Variants in DST observed in about 807,000 individuals in gnomAD.
DST encodes dystonin.
Under a neutral mutation model 875.2 loss-of-function variants are expected in DST, and 253 were observed. The ratio of observed to expected loss-of-function variants is 0.29; its 90% CI spans 0.26 to 0.32. DST has a LOEUF of 0.32. DST is among the 10% of genes least tolerant of loss of function. The pLI is 1.00. For synonymous variants in DST, 3,124 were observed against 3,197.1 expected, an observed-to-expected ratio of 0.98 and a Z score of 0.77; for missense variants, 8,287 against 9,111.6, an observed-to-expected ratio of 0.91 and a Z score of 3.68.
chr6:56,685,922 C>A (rs2099182980), intron 9 of DST, among the ~76,000 whole-genome samples: 1 of 152,104 alleles, frequency 6.6e-6, no homozygotes, highest in African/African-American at 2.4e-5. Flanking sequence ...ATCATTCAAC[C>A]CAGTAGTCCC....
intron 5 of DST, among the ~76,000 whole-genome samples, chr6:56,734,036 A>G (rs1309885845): frequency 6.6e-6 from 1 of 152,222 alleles, no homozygotes; most frequent in African/African-American, 2.4e-5. Flanking sequence ...CAAACTTTAC[A>G]GAGTGTCCTA....
chr6:56,940,507 A>AATCC (rs963375587), intron 2 of DST, among the ~76,000 whole-genome samples: 1 of 152,134 alleles, frequency 6.6e-6, no homozygotes, highest in African/African-American at 2.4e-5. Context: ...TTTCAAAAAA[A>AATCC]ATCCATTTAA....
intron 8 of DST, among the ~76,000 whole-genome samples, chr6:56,700,965 C>T (rs1472625140): frequency 6.7e-6 from 1 of 149,358 alleles, no homozygotes; most frequent in Admixed American, 6.7e-5. Flanking sequence ...TCTCCCTCTC[C>T]CCCTTTTTCT....
At position 56,473,892 on chromosome 6, in the gene DST, C is replaced by G; in HGVS notation, c.21975G>C (p.Leu7325Phe). 1 of 1,599,402 alleles carries G rather than the reference C, an allele frequency of 6.3e-7. No homozygotes were observed. ...PSSLQSHIPV[L>F]DKGRAGRKRF... Reference sequence around the variant, plus strand: ...GCTTACTTCCTGCTCGTCCCTTATCCAAGACTGGAATATGGGATTGTAATG... The same window carrying G: ...GCTTACTTCCTGCTCGTCCCTTATCGAAGACTGGAATATGGGATTGTAATG... Residue 7325 changes from leucine (L) to phenylalanine (F), a missense_variant, in exon 93 of 104, where the codon TTG becomes TTC. By Grantham distance (22) the Leu-to-Phe change is conservative (BLOSUM62 0). This residue lies in a region of DST where 1,292 missense variants were observed against 1,552.7 expected (regional missense o/e 0.83). Transcript: ENST00000680361.
chr6:56,600,042 A>T (rs747065916), intron 45 of DST, 27 bp downstream of exon 45: 25 of 1,590,242 alleles, frequency 1.6e-5, no homozygotes, highest in Non-Finnish European at 2.2e-5. Flanking sequence ...ATCAACATAG[A>T]TCTGCTGATA....
At chr6:56,664,055 T>G (rs1256387270) in intron 10 of DST, among the ~76,000 whole-genome samples, 1 of 152,060 alleles carries the variant, frequency 6.6e-6, no homozygotes, top group Non-Finnish European at 1.5e-5. Flanking sequence ...CAGAAACTAG[T>G]AAGCAGAAAT....
chr6:56,897,086 T>C (rs1791684076), intron 3 of DST, among the ~76,000 whole-genome samples: 1 of 152,222 alleles, frequency 6.6e-6, no homozygotes, highest in Non-Finnish European at 1.5e-5. Flanking sequence ...CTATAATTTT[T>C]ATAGTATCAG....
In DST at chr6:56,603,234, G is replaced by A; in HGVS notation, c.11128C>T (p.Gln3710Ter). ...LSNVSSERTKQIMLAIDSEMS... is the reference protein window; with the variant it reads ...LSNVSSERTK ...TCAGAGTCGATCGCAAGCATGATCT[G>A]TTTCGTTCTTTCTGAAGACACGTTG... Residue 3710 changes from glutamine (Q) to a stop codon, truncating the protein, a stop_gained, in exon 42 of 104, where the codon CAG (glutamine) becomes TAG (stop). Transcript: ENST00000680361. LOFTEE classifies it high-confidence loss of function. 1 of 1,605,968 alleles carries A rather than the reference G, an allele frequency of 6.2e-7. No individual in the cohort carries two copies. Among genetic ancestry groups the A allele is most frequent in the Non-Finnish European group, 8.5e-7 (1 of 1,176,242 alleles).
intron 63 of DST, among the ~76,000 whole-genome samples, chr6:56,533,862 T>C (rs1446032905): frequency 6.6e-6 from 1 of 152,140 alleles, no homozygotes; most frequent in Admixed American, 6.5e-5. Flanking sequence ...GTATTAAATG[T>C]AGAAATTAAA....
intron 2 of DST, among the ~76,000 whole-genome samples, chr6:56,917,516 T>C (rs896673511): frequency 6.6e-6 from 1 of 152,202 alleles, no homozygotes; most frequent in Admixed American, 6.5e-5. Context: ...TTGTATTGAC[T>C]CCTTTTCCTA....
At chr6:56,916,444 C>T (rs983929017) in intron 2 of DST, among the ~76,000 whole-genome samples, 2 of 152,104 alleles carry the variant, frequency 1.3e-5, no homozygotes, top group Non-Finnish European at 2.9e-5. Flanking sequence ...CCTGCCAGTG[C>T]CCGAACTTAA....
intron 4 of DST, among the ~76,000 whole-genome samples, chr6:56,838,394 T>C (rs1234795635): frequency 6.6e-6 from 1 of 152,186 alleles, no homozygotes; most frequent in Non-Finnish European, 1.5e-5. Context: ...CTGAGGCACA[T>C]ATGACCCAAC....
intron 49 of DST, among the ~76,000 whole-genome samples, chr6:56,587,568 A>G (rs1038349575): frequency 6.6e-6 from 1 of 152,166 alleles, no homozygotes; most frequent in East Asian, 1.9e-4. Context: ...GAATGCCACA[A>G]AGATACTCCT....
At chr6:56,626,260 A>G (rs932548404) in intron 34 of DST, among the ~76,000 whole-genome samples, 15 of 152,156 alleles carry the variant, frequency 9.9e-5, no homozygotes, top group African/African-American at 3.6e-4. Flanking sequence ...CTAGGCCTCT[A>G]CCTTCACTCA....
intron 2 of DST, among the ~76,000 whole-genome samples, chr6:56,943,329 T>C (rs1383645991): frequency 6.6e-6 from 1 of 151,322 alleles, no homozygotes; most frequent in African/African-American, 2.4e-5. Flanking sequence ...ATACAAACAT[T>C]AAATATCAAA....
chr6:56,462,004 C>G (rs1428198078), intron 102 of DST: 1 of 152,184 alleles, frequency 6.6e-6, no homozygotes, highest in Non-Finnish European at 1.5e-5. Context: ...TTTTCTCTGC[C>G]TGTCACTTAT....
chr6:56,466,020 G>A (rs1041067644), intron 99 of DST, 58 bp downstream of exon 99: 48 of 1,364,020 alleles, frequency 3.5e-5, no homozygotes, highest in African/African-American at 1.4e-5. Flanking sequence ...TTTTGGTGCT[G>A]GATATAATAT....
At chr6:56,935,077 T>C (rs1247393211) in intron 2 of DST, among the ~76,000 whole-genome samples, 3 of 152,166 alleles carry the variant, frequency 2.0e-5, no homozygotes, top group African/African-American at 7.2e-5. Flanking sequence ...AAAGGCCCGT[T>C]GCCATAGTTT....
intron 5 of DST, among the ~76,000 whole-genome samples, chr6:56,723,170 G>A (rs1242997811): frequency 6.6e-6 from 1 of 152,202 alleles, no homozygotes; most frequent in African/African-American, 2.4e-5. Flanking sequence ...GTGGAAGTTA[G>A]GGTATGAGAA....
Sources: gnomAD v4.1 joint callset for allele counts (sites outside exome capture counted in the v4.1 genomes callset) on GRCh38, gnomAD v4.1.1 for gene constraint, gnomAD v4.1.1 regional missense constraint, MANE v1.5 for transcripts, NCBI Gene and HGNC (gene_info 2026-07-23, HGNC 2026-07-21) for gene names.